Variants in FAM83F observed in about 807,000 individuals in gnomAD.
FAM83F encodes the protein scaffolding CK1 anchoring protein F, also known as protein FAM83F.
In FAM83F, 45 loss-of-function variants were observed where a neutral mutation model predicts 42.9. The observed-to-expected ratio is 1.05, with a 90% CI of 0.83 to 1.35. The LOEUF (loss-of-function observed/expected upper bound fraction) is 1.35, where lower values mean the gene tolerates loss of function less well. Ranked by LOEUF, FAM83F falls within the 40% of genes most tolerant of loss-of-function variation. The pLI is 0.00. For synonymous variants in FAM83F, 306 were observed against 298.3 expected (o/e 1.03, Z -0.27); for missense variants, 617 against 695.9 (o/e 0.89, Z 1.28).
intron 1 of FAM83F, among the ~76,000 whole-genome samples, chr22:40,018,040 G>A (rs2067500980): frequency 6.6e-6 from 1 of 152,236 alleles, no homozygotes; most frequent in Non-Finnish European, 1.5e-5. Flanking sequence ...GCTGGAAGTA[G>A]CTGTGGTTAG....
At chr22:40,000,807 T>C (rs1239531286) in intron 1 of FAM83F, among the ~76,000 whole-genome samples, 2 of 152,178 alleles carry the variant, frequency 1.3e-5, no homozygotes, top group Non-Finnish European at 2.9e-5. Flanking sequence ...AGGGGGACAA[T>C]TGACTTTATC....
rs1407417404 is a variant in FAM83F at position 40,043,452 on chromosome 22, T to A, written c.*13887T>A. On this transcript the variant is annotated 3_prime_UTR_variant, in exon 5 of 5. Coordinates refer to ENST00000333407, the MANE Select transcript of FAM83F (RefSeq NM_138435.4). ...CACCAGCCAGGAGCACACGTCTTGC[T>A]CAGCATCAACTATCCTGGAAGATTT... 6.6e-6 allele frequency: 1 copy of A among 152,184 alleles called. No individual in the cohort carries two copies. Among genetic ancestry groups the A allele is most frequent in the African/African-American group, 2.4e-5 (1 of 41,440 alleles). 9.4% of individuals were successfully genotyped at this position (152,184 alleles called of 1,614,324 possible). A position where few individuals can be genotyped will look rare whatever the true frequency, so the allele number is the denominator to read the frequency against.
intron 1 of FAM83F, among the ~76,000 whole-genome samples, chr22:40,010,709 C>T (rs1487490760): frequency 6.6e-6 from 1 of 152,166 alleles, no homozygotes; most frequent in African/African-American, 2.4e-5. Flanking sequence ...AAACTGGACA[C>T]CTTGGAGTGT....
intron 4 of FAM83F, among the ~76,000 whole-genome samples, chr22:40,028,492 A>G (rs1386594791): frequency 1.3e-5 from 2 of 152,152 alleles, no homozygotes; most frequent in African/African-American, 4.8e-5. Context: ...ACCTGGGGAA[A>G]GGCAGCCAGC....
At position 40,023,244 on chromosome 22, in the gene FAM83F, G is replaced by A. The variant is rs1235008869; in HGVS notation, c.1453+1281G>A. Among the ~76,000 whole-genome samples the A allele has an allele frequency of 6.6e-6, 1 of 152,204 alleles. No individual in the cohort carries two copies. Among genetic ancestry groups the A allele is most frequent in the Admixed American group, 6.5e-5 (1 of 15,288 alleles). ...CCCAGGTCACAGGAAGTGGTAGTAA[G>A]GCCAGGATTCAAGACCAGGCATGGG... On this transcript the variant is annotated intron_variant, in intron 4 of 4. Transcript: ENST00000333407. The surrounding 1 kb of genome is among the most constrained non-coding windows in gnomAD (Gnocchi z 4.1).
rs1024830602 is a variant in FAM83F at position 40,029,878 on chromosome 22, G to T, written c.*313G>T. 2 of 323,500 alleles carry T rather than the reference G, an allele frequency of 6.2e-6. No individual in the cohort carries two copies. The highest frequency in any genetic ancestry group is 4.2e-5 in the African/African-American group (2 of 47,102). 20.0% of individuals were successfully genotyped at this position (323,500 alleles called of 1,614,324 possible). A position where few individuals can be genotyped will look rare whatever the true frequency, so the allele number is the denominator to read the frequency against. ...CCACCCCCTCCGCTGATTGCCAGAT[G>T]GGGTGAGGGCCCATTCTTTAAACCT... is the stretch of plus-strand genomic sequence containing the variant. On this transcript the variant is annotated 3_prime_UTR_variant, in exon 5 of 5. Transcript: ENST00000333407.
chr22:40,007,546 TCTCCTCCTCCTCTCCTCTC>T (rs1569231123), intron 1 of FAM83F, among the ~76,000 whole-genome samples: 120 of 7,524 alleles, frequency 0.016, 2 homozygotes, highest in Non-Finnish European at 0.024. Flanking sequence ...CTCCTCCTCC[TCTCCTCCTCCTCTCCTCTC>T]CTCCTCCTCT....
At position 39,995,292 on chromosome 22, in the gene FAM83F, C is replaced by CGGGGCA. The variant is rs1474426041; in HGVS notation, c.251_256dup (p.Arg84_Gly85dup). Reference sequence around the variant, plus strand: ...GGACGCCGTCCCCGCCGCCAACGCCCGGGGCAAGAGCAAGGCCAAGGCCAA... The same window carrying CGGGGCA: ...GGACGCCGTCCCCGCCGCCAACGCCCGGGGCAGGGGCAAGAGCAAGGCCAAGGCCAA... On this transcript the variant is annotated inframe_insertion, in exon 1 of 5. Transcript: ENST00000333407. The surrounding 1 kb of genome is among the most constrained non-coding windows in gnomAD (Gnocchi z 4.6). 18 of 1,536,712 alleles carry CGGGGCA rather than the reference C, an allele frequency of 1.2e-5. No individual in the cohort carries two copies. Among genetic ancestry groups the CGGGGCA allele is most frequent in the Non-Finnish European group, 1.3e-5 (15 of 1,145,810 alleles).
In FAM83F at chr22:39,995,322, C is replaced by A. The variant is rs753612158; in HGVS notation, c.280C>A (p.Pro94Thr). The change falls in exon 1 of 5, where the codon CCC becomes ACC. Residue 94 changes from proline (P) to threonine (T), a missense_variant. Physicochemically the swap from Pro to Thr is conservative, Grantham distance 38 (BLOSUM62 -1). Transcript: ENST00000333407. The surrounding 1 kb of genome is among the most constrained non-coding windows in gnomAD (Gnocchi z 4.6). ...RGKSKAKAKA[P>T]APAPAESGES... ...CAAGAGCAAGGCCAAGGCCAAGGCC[C>A]CCGCGCCGGCGCCGGCTGAGTCCGG... The A allele has an allele frequency of 1.3e-6, 2 of 1,538,700 alleles. No individual in the cohort carries two copies. The highest frequency in any genetic ancestry group is 2.4e-5 in the South Asian group (2 of 83,970).
intron 1 of FAM83F, 131 bp from the exon 2 acceptor site, chr22:40,019,037 G>T: frequency 9.4e-7 from 1 of 1,062,694 alleles, no homozygotes. Flanking sequence ...TGGAACTCCA[G>T]GAATGGTACA....
chr22:40,004,267 AATTTTATTTTATTTTATTTT>A (rs59445798), intron 1 of FAM83F, among the ~76,000 whole-genome samples: 4 of 133,752 alleles, frequency 3.0e-5, no homozygotes, highest in Non-Finnish European at 4.8e-5. Context: ...GCCCTTTTAG[AATTTTATTTTATTTTATTTT>A]ATTTTATTTT....
chr22:40,000,178 G>A (rs1344904801), intron 1 of FAM83F, among the ~76,000 whole-genome samples: 1 of 152,204 alleles, frequency 6.6e-6, no homozygotes, highest in Non-Finnish European at 1.5e-5. Context: ...ATTCCCTGGG[G>A]AACTCCTTTA....
chr22:40,017,687 T>C (rs1365862810), intron 1 of FAM83F, among the ~76,000 whole-genome samples: 2 of 152,210 alleles, frequency 1.3e-5, no homozygotes, highest in African/African-American at 2.4e-5. Context: ...AGTCGGTGCT[T>C]TCAGTTTTGA....
At chr22:40,026,302 T>C (rs746070945) in intron 4 of FAM83F, among the ~76,000 whole-genome samples, 1 of 152,124 alleles carries the variant, frequency 6.6e-6, no homozygotes, top group Non-Finnish European at 1.5e-5. Context: ...GGGCAGATCA[T>C]GAGGTCAGGA....
intron 1 of FAM83F, among the ~76,000 whole-genome samples, chr22:40,002,561 G>A (rs2067408105): frequency 6.6e-6 from 1 of 152,146 alleles, no homozygotes; most frequent in Admixed American, 6.5e-5. Context: ...CAGGCCACTG[G>A]CGGGTGGAGG....
rs1182840043 is a variant in FAM83F, at chr22:40,041,169, T to C, written c.*11604T>C. 3 of 152,212 alleles carry C rather than the reference T, an allele frequency of 2.0e-5. No homozygotes were observed. Among genetic ancestry groups the C allele is most frequent in the African/African-American group, 7.2e-5 (3 of 41,448 alleles). The allele number at this position is 152,212 out of a possible 1,614,324, so 9.4% of individuals were successfully genotyped here. On this transcript the variant is annotated 3_prime_UTR_variant, in exon 5 of 5. Transcript: ENST00000333407. Reference sequence around the variant, plus strand: ...CCTTCCCCTCCAGCAAAAAGCCAACTGTATAGAACACCACATATAGAGCGC... The same window carrying C: ...CCTTCCCCTCCAGCAAAAAGCCAACCGTATAGAACACCACATATAGAGCGC...
rs147405763 is a variant in FAM83F, at chr22:40,021,419, G to C, written c.909G>C (p.Gln303His). 3.3e-5 allele frequency: 53 copies of C among 1,613,686 alleles called. No homozygotes were observed. In the Middle Eastern group the frequency reaches 6.6e-4, roughly 20 times the overall value. Reference protein sequence around the residue: ...AISEEVDLYRQLSLAGRVGLH... With the variant: ...AISEEVDLYRHLSLAGRVGLH... ...CCGAGGAGGTGGACTTGTACCGGCAGCTGAGCCTGGCGGGCAGGGTTGGCC... is the reference window on the plus strand; with the variant it reads ...CCGAGGAGGTGGACTTGTACCGGCACCTGAGCCTGGCGGGCAGGGTTGGCC... The change falls in exon 4 of 5, where the codon CAG (glutamine) becomes CAC (histidine). Residue 303 changes from glutamine to histidine, a missense_variant. By Grantham distance (24) the Gln-to-His change is conservative. Transcript: ENST00000333407. This position sits in a 1 kb window ranked among gnomAD's most constrained non-coding sequence, Gnocchi z 8.7.
chr22:40,028,752 A>G lies in FAM83F; in HGVS notation c.1454-764A>G, dbSNP rs376076214. On this transcript the variant is annotated intron_variant, in intron 4 of 4. Coordinates refer to ENST00000333407, the MANE Select transcript of FAM83F (RefSeq NM_138435.4). Reference sequence around the variant, plus strand: ...CTTTCTCTCCCCCTTCCCTCCCTACAGGCAGCGCGTTCCTCTCTGTCCTCC... The same window carrying G: ...CTTTCTCTCCCCCTTCCCTCCCTACGGGCAGCGCGTTCCTCTCTGTCCTCC... 3.3e-5 allele frequency among the ~76,000 whole-genome samples: 5 copies of G among 152,186 alleles called. No homozygotes were observed. The South Asian group carries it at 8.3e-4, about 25-fold the overall frequency.
chr22:40,017,526 C>A (rs544967993), intron 1 of FAM83F, among the ~76,000 whole-genome samples: 3 of 152,338 alleles, frequency 2.0e-5, no homozygotes, highest in Admixed American at 1.3e-4. Flanking sequence ...AGACACCATG[C>A]CTGGCCCTGC....
Sources: allele counts gnomAD v4.1 joint callset (sites outside exome capture counted in the v4.1 genomes callset), GRCh38; gene constraint gnomAD v4.1.1; non-coding constraint Gnocchi (gnomAD v3.1); transcripts MANE v1.5; gene names NCBI Gene and HGNC (gene_info 2026-07-23, HGNC 2026-07-21).